CCDC73: variants seen among roughly 807,000 people sequenced by gnomAD.
The protein encoded by CCDC73 is coiled-coil domain containing 73, also known as coiled-coil domain-containing protein 73.
CCDC73 carries 95 observed loss-of-function variants against 116.5 expected under a neutral mutation model. The ratio of observed to expected loss-of-function variants is 0.82; its 90% confidence interval spans 0.69 to 0.97. The LOEUF (loss-of-function observed/expected upper bound fraction) is 0.97, where lower values mean the gene tolerates loss of function less well. Among genes scored for constraint, CCDC73 ranks in the 50% least tolerant of loss-of-function variants. CCDC73 has a pLI of 0.00. For synonymous variants in CCDC73, 398 were observed against 401.3 expected (o/e 0.99, Z 0.10); for missense variants, 1,066 against 1,206.8 (o/e 0.88, Z 1.73).
chr11:32,677,226 T>C (rs919698784), intron 7 of CCDC73, among the ~76,000 whole-genome samples: 1 of 152,184 alleles, frequency 6.6e-6, no homozygotes, highest in Non-Finnish European at 1.5e-5. Context: ...TGATTTTGCC[T>C]AGCCAGCATC....
chr11:32,612,512 G>A (rs1855430879), intron 16 of CCDC73, among the ~76,000 whole-genome samples: 1 of 151,770 alleles, frequency 6.6e-6, no homozygotes, highest in African/African-American at 2.4e-5. Flanking sequence ...GCTGAGGCAG[G>A]AGGATCACTT....
At chr11:32,793,192 A>G (rs1027004461) in intron 1 of CCDC73, among the ~76,000 whole-genome samples, 9 of 152,226 alleles carry the variant, frequency 5.9e-5, no homozygotes, top group African/African-American at 9.6e-5. Context: ...AAAGTGGGGA[A>G]TCTAATTTTC....
chr11:32,789,513 G>A (rs910393764), intron 1 of CCDC73, among the ~76,000 whole-genome samples: 25 of 152,150 alleles, frequency 1.6e-4, no homozygotes, highest in African/African-American at 5.8e-4. Context: ...GCTCAGTCCT[G>A]TAATCCCAGC....
the CCDC73 span, chr11:32,829,960 C>T: frequency 9.1e-6 from 9 of 985,656 alleles, no homozygotes; most frequent in Non-Finnish European, 1.1e-5. Flanking sequence ...CGAGGCAGGA[C>T]CTCACCCCGC....
At chr11:32,776,989 G>GTATATA (rs71063758) in intron 1 of CCDC73, among the ~76,000 whole-genome samples, 2,654 of 100,830 alleles carry the variant, frequency 0.026, 63 homozygotes, top group Non-Finnish European at 0.034. Context: ...ATATACACAT[G>GTATATA]TATATATATA....
At chr11:32,630,647 T>C (rs1318241195) in intron 14 of CCDC73, among the ~76,000 whole-genome samples, 1 of 152,200 alleles carries the variant, frequency 6.6e-6, no homozygotes, top group African/African-American at 2.4e-5. Context: ...CCAGCTGTTT[T>C]TGTAAATATA....
chr11:32,699,720 G>C, intron 5 of CCDC73, among the ~76,000 whole-genome samples: 1 of 152,004 alleles, frequency 6.6e-6, no homozygotes, highest in Non-Finnish European at 1.5e-5. Context: ...TCACACACCG[G>C]GGCCTGTTGT....
intron 9 of CCDC73, among the ~76,000 whole-genome samples, chr11:32,675,235 C>A (rs1856075741): frequency 6.6e-6 from 1 of 152,102 alleles, no homozygotes; most frequent in South Asian, 2.1e-4. Context: ...ATCCTTAGTG[C>A]CACATAGCAC....
intron 2 of CCDC73, among the ~76,000 whole-genome samples, chr11:32,737,617 C>CAAA (rs35749199): frequency 0.053 from 6,312 of 118,714 alleles, 175 homozygotes; most frequent in African/African-American, 0.065. Flanking sequence ...GACTGTGTCT[C>CAAA]AAAAAAAAAA....
chr11:32,805,925 A>G, the CCDC73 span, among the ~76,000 whole-genome samples: 2 of 152,238 alleles, frequency 1.3e-5, no homozygotes, highest in Admixed American at 6.5e-5. Flanking sequence ...AAAATTCTCA[A>G]TTCAAACTAC....
At chr11:32,733,206 CAAG>C in intron 2 of CCDC73, among the ~76,000 whole-genome samples, 1 of 152,330 alleles carries the variant, frequency 6.6e-6, no homozygotes, top group African/African-American at 2.4e-5. Context: ...ATCAATTCAA[CAAG>C]AAGAGCTAAC....
At chr11:32,708,497 A>G (rs1027236339) in intron 3 of CCDC73, among the ~76,000 whole-genome samples, 5 of 152,192 alleles carry the variant, frequency 3.3e-5, no homozygotes, top group Non-Finnish European at 7.3e-5. Flanking sequence ...TTTTGGCAAT[A>G]TGGTCATTTT....
intron 1 of CCDC73, among the ~76,000 whole-genome samples, chr11:32,776,341 T>A (rs1850532005): frequency 6.6e-6 from 1 of 152,124 alleles, no homozygotes; most frequent in Non-Finnish European, 1.5e-5. Context: ...CTAAACCTCA[T>A]CAATTTCCAA....
chr11:32,695,818 G>GT (rs1242689740), intron 6 of CCDC73, among the ~76,000 whole-genome samples: 1,656 of 136,350 alleles, frequency 0.012, 27 homozygotes, highest in African/African-American at 0.038. Context: ...AAGCGTTTAA[G>GT]TTTTTTTTTT....
intron 2 of CCDC73, among the ~76,000 whole-genome samples, chr11:32,757,049 C>T (rs1302476765): frequency 1.3e-5 from 2 of 152,002 alleles, no homozygotes; most frequent in Non-Finnish European, 2.9e-5. Context: ...CTTAGGTATC[C>T]ATAACTATGT....
chr11:32,771,544 G>A (rs1850492647), intron 1 of CCDC73, among the ~76,000 whole-genome samples: 1 of 152,172 alleles, frequency 6.6e-6, no homozygotes, highest in African/African-American at 2.4e-5. Context: ...TCACCACTGT[G>A]TATTGAATGT....
chr11:32,691,369 C>T (rs920606459), intron 6 of CCDC73, among the ~76,000 whole-genome samples: 2 of 152,056 alleles, frequency 1.3e-5, no homozygotes, highest in African/African-American at 4.8e-5. Flanking sequence ...TTTTTACTGC[C>T]TCCATCATTT....
chr11:32,766,865 G>T (rs1850447259), intron 1 of CCDC73, among the ~76,000 whole-genome samples: 2 of 152,154 alleles, frequency 1.3e-5, no homozygotes. Context: ...TGGATAGGAA[G>T]AATCAATATC....
At chr11:32,688,655 C>A (rs1856227017) in intron 6 of CCDC73, among the ~76,000 whole-genome samples, 1 of 152,124 alleles carries the variant, frequency 6.6e-6, no homozygotes, top group Non-Finnish European at 1.5e-5. Flanking sequence ...GATAGAGCAT[C>A]AGTTTGGCAA....
Sources: allele counts gnomAD v4.1 joint callset (sites outside exome capture counted in the v4.1 genomes callset), GRCh38; gene constraint gnomAD v4.1.1; transcripts MANE v1.5; gene names NCBI Gene and HGNC (gene_info 2026-07-23, HGNC 2026-07-21).